The following DPP8 variants were observed in gnomAD, a reference collection of about 807,000 sequenced individuals.
DPP8 encodes the protein dipeptidyl peptidase 8.
A neutral mutation model predicts 107.5 loss-of-function variants in DPP8; 31 were observed. The observed-to-expected ratio is 0.29, with a 90% confidence interval of 0.22 to 0.39. The LOEUF (loss-of-function observed/expected upper bound fraction) is 0.39. DPP8 is among the 10% of genes least tolerant of loss of function. The probability of loss-of-function intolerance (pLI) is 1.00; values close to 1 mark genes in which losing one functional copy is unlikely to be tolerated. For synonymous variants in DPP8, 381 were observed against 356.6 expected, an observed-to-expected ratio of 1.07 and a Z score of -0.77; for missense variants, 842 against 1,076.1, an observed-to-expected ratio of 0.78 and a Z score of 3.04.
chr15:65,480,177 G>A, intron 10 of DPP8, 45 bp downstream of exon 10: 1 of 1,546,260 alleles, frequency 6.5e-7, no homozygotes, highest in Non-Finnish European at 8.8e-7. Context: ...ATTTGCTTTA[G>A]CATTCTGAGA....
At chr15:65,486,309 G>C (rs1430654445) in intron 7 of DPP8, among the ~76,000 whole-genome samples, 1 of 152,062 alleles carries the variant, frequency 6.6e-6, no homozygotes, top group East Asian at 1.9e-4. Context: ...GGCTGAGGCA[G>C]GAGAATCACT....
Position 65,479,004 on chromosome 15 carries a change from G to A in DPP8, c.1332C>T (p.His444=), listed in dbSNP as rs774357225. The part of the protein sequence containing the change: ...HDIFHVFPQS[H]EEEIEFIFAS... Reference sequence around the variant, plus strand: ...CAAAAATAAACTCAATTTCCTCTTCGTGACTTTGGGGAAAAACATGAAAGA... The same window carrying A: ...CAAAAATAAACTCAATTTCCTCTTCATGACTTTGGGGAAAAACATGAAAGA... Residue 444 remains histidine (H), a synonymous_variant, in exon 11 of 20, where the codon CAC becomes CAT. Transcript: ENST00000300141. The A allele has an allele frequency of 1.3e-5, 20 of 1,585,850 alleles. 1 individual carries two copies. Among genetic ancestry groups the A allele is most frequent in the Admixed American group, 5.6e-5 (3 of 53,494 alleles).
At chr15:65,488,466 G>T (rs2067652326) in intron 6 of DPP8, among the ~76,000 whole-genome samples, 1 of 151,586 alleles carries the variant, frequency 6.6e-6, no homozygotes, top group Non-Finnish European at 1.5e-5. Context: ...AAATTAGCTG[G>T]GTGTAGTGGC....
intron 3 of DPP8, among the ~76,000 whole-genome samples, chr15:65,502,190 T>G (rs2069320378): frequency 6.6e-6 from 1 of 152,114 alleles, no homozygotes; most frequent in South Asian, 2.1e-4. Context: ...AGCCTGGCCC[T>G]CATGAAAGAA....
At chr15:65,450,222 C>A (rs891363628) in intron 19 of DPP8, among the ~76,000 whole-genome samples, 1 of 152,112 alleles carries the variant, frequency 6.6e-6, no homozygotes, top group Non-Finnish European at 1.5e-5. Context: ...CCTGCCTTGG[C>A]CTCCTAAAGT....
At position 65,507,221 on chromosome 15, in the gene DPP8, GAAT is replaced by G; in HGVS notation, c.372+19_372+21del. On this transcript the variant is annotated intron_variant, in intron 3 of 19. Coordinates refer to ENST00000300141, the MANE Select transcript of DPP8 (RefSeq NM_130434.5). ...TCTGAATACATACACCAAATCATAG[GAAT>G]AACAACATTTAATCCTACCTGAAAA... The G allele has an allele frequency of 1.4e-6, 2 of 1,409,758 alleles. No homozygotes were observed. The highest frequency in any genetic ancestry group is 2.0e-6 in the Non-Finnish European group (2 of 1,006,034). 87.3% of individuals were successfully genotyped at this position (1,409,758 alleles called of 1,614,324 possible). A position where few individuals can be genotyped will look rare whatever the true frequency, so the allele number is the denominator to read the frequency against.
chr15:65,463,473 C>T (rs562358465), intron 15 of DPP8, among the ~76,000 whole-genome samples: 1 of 150,648 alleles, frequency 6.6e-6, no homozygotes, highest in South Asian at 2.1e-4. Flanking sequence ...ACCTGGGAGG[C>T]GGAGGTTGCA....
chr15:65,512,701 C>G, intron 1 of DPP8, 137 bp from the exon 2 acceptor site: 1 of 805,970 alleles, frequency 1.2e-6, no homozygotes, highest in East Asian at 2.5e-5. Flanking sequence ...TGCAATGAAA[C>G]TTAGTAAGAA....
chr15:65,472,221 G>T (rs1177761865), intron 12 of DPP8, among the ~76,000 whole-genome samples: 2 of 152,126 alleles, frequency 1.3e-5, no homozygotes, highest in Non-Finnish European at 2.9e-5. Flanking sequence ...TTAAATTTGT[G>T]GGGCAAGATA....
chr15:65,495,193 C>T (rs558859987), intron 5 of DPP8, among the ~76,000 whole-genome samples: 4 of 152,320 alleles, frequency 2.6e-5, no homozygotes, highest in African/African-American at 4.8e-5. Flanking sequence ...ACCTTTCTCA[C>T]GTAGTCCCCT....
rs1378746392 is a variant in DPP8 at position 65,444,422 on chromosome 15, CTG to C, written c.*2460_*2461del. On this transcript the variant is annotated 3_prime_UTR_variant, in exon 20 of 20. Transcript: ENST00000300141. Reference sequence around the variant, plus strand: ...CTAGTGCTTTTTGGCTCCCACTAAACTGTTGCTACTTTTATATATTCTTGCCG... The same window carrying C: ...CTAGTGCTTTTTGGCTCCCACTAAACTTGCTACTTTTATATATTCTTGCCG... The C allele has an allele frequency of 6.6e-6, 1 of 152,226 alleles. No individual in the cohort carries two copies. Among genetic ancestry groups the C allele is most frequent in the East Asian group, 1.9e-4 (1 of 5,204 alleles). 9.4% of individuals were successfully genotyped at this position (152,226 alleles called of 1,614,324 possible). A position where few individuals can be genotyped will look rare whatever the true frequency, so the allele number is the denominator to read the frequency against.
At chr15:65,458,942 C>G (rs1284720792) in intron 15 of DPP8, 4 of 151,706 alleles carry the variant, frequency 2.6e-5, no homozygotes, top group Non-Finnish European at 5.9e-5. Context: ...AATGATCTTC[C>G]AAGAGGCTGA....
At chr15:65,468,677 T>C (rs947976480) in intron 12 of DPP8, among the ~76,000 whole-genome samples, 1 of 152,038 alleles carries the variant, frequency 6.6e-6, no homozygotes, top group Non-Finnish European at 1.5e-5. Flanking sequence ...ACATGACACA[T>C]ACAGAAAGCA....
At chr15:65,476,066 T>C (rs995378855) in intron 11 of DPP8, among the ~76,000 whole-genome samples, 1 of 152,196 alleles carries the variant, frequency 6.6e-6, no homozygotes, top group Admixed American at 6.5e-5. Context: ...TTTGTTTTTA[T>C]GAGCTTCTGT....
intron 6 of DPP8, among the ~76,000 whole-genome samples, chr15:65,488,490 C>A (rs2067654824): frequency 6.6e-6 from 1 of 150,990 alleles, no homozygotes; most frequent in African/African-American, 2.4e-5. Context: ...TGCCTGTAGT[C>A]CCAGGTACTT....
At chr15:65,456,129 G>T (rs943188460) in intron 16 of DPP8, 96 bp downstream of exon 16, 4 of 1,376,512 alleles carry the variant, frequency 2.9e-6, no homozygotes, top group Non-Finnish European at 4.0e-6. Context: ...CTCATTCATA[G>T]CCCCTTCCCC....
At chr15:65,476,636 C>T (rs1595955494) in intron 11 of DPP8, among the ~76,000 whole-genome samples, 2 of 152,024 alleles carry the variant, frequency 1.3e-5, no homozygotes, top group Admixed American at 6.6e-5. Context: ...AGTATGGTAG[C>T]CCCTCAAAAA....
intron 3 of DPP8, among the ~76,000 whole-genome samples, chr15:65,505,912 T>C (rs1190388349): frequency 7.0e-6 from 1 of 143,884 alleles, no homozygotes; most frequent in African/African-American, 2.6e-5. Context: ...ATTGCGCCAC[T>C]GCGCTCCAGC....
At chr15:65,492,294 A>G (rs1004555600) in intron 5 of DPP8, among the ~76,000 whole-genome samples, 36 of 152,048 alleles carry the variant, frequency 2.4e-4, no homozygotes, top group African/African-American at 8.4e-4. Flanking sequence ...GTGAGCCGAG[A>G]TCATGCCACT....
Sources: allele counts gnomAD v4.1 joint callset (sites outside exome capture counted in the v4.1 genomes callset), GRCh38; gene constraint gnomAD v4.1.1; transcripts MANE v1.5; gene names NCBI Gene and HGNC (gene_info 2026-07-23, HGNC 2026-07-21).